Variants in ASMTL observed in about 807,000 individuals in gnomAD.
The protein encoded by ASMTL is probable bifunctional dTTP/UTP pyrophosphatase/methyltransferase protein.
Under a neutral mutation model 60.3 loss-of-function variants are expected in ASMTL, and 57 were observed. The ratio of observed to expected loss-of-function variants is 0.95; its 90% CI spans 0.76 to 1.18. ASMTL has a LOEUF of 1.18. Among genes scored for constraint, ASMTL ranks in the 50% most tolerant of loss-of-function variants. The probability of loss-of-function intolerance (pLI) is 0.00; values close to 1 mark genes in which losing one functional copy is unlikely to be tolerated. For synonymous variants in ASMTL, 419 were observed against 373.0 expected, an observed-to-expected ratio of 1.12 and a Z score of -1.42; for missense variants, 981 against 852.6, an observed-to-expected ratio of 1.15 and a Z score of -1.88.
At chrX:1,413,204 A>C in intron 11 of ASMTL, 1 of 238,186 alleles carries the variant, frequency 4.2e-6, no homozygotes, top group Non-Finnish European at 8.4e-6. Context: ...CTCTACTAAA[A>C]ATGCAAATTA....
chrX:1,405,098 T>C (rs1431401849), intron 12 of ASMTL, among the ~76,000 whole-genome samples: 2 of 150,614 alleles, frequency 1.3e-5, no homozygotes, highest in Admixed American at 6.6e-5. Context: ...ATGAGATGGA[T>C]GGATGAGTGA....
chrX:1,415,471 C>CTTTTTT lies in ASMTL; in HGVS notation c.1522+2496_1522+2501dup, dbSNP rs768836925. 6.1e-5 allele frequency among the ~76,000 whole-genome samples: 9 copies of CTTTTTT among 147,032 alleles called. 1 individual carries two copies. Among genetic ancestry groups the CTTTTTT allele is most frequent in the Non-Finnish European group, 6.0e-5 (4 of 67,128 alleles). ...TATTTATCATTATTATTATCATTGTCTTTTTTTTTTTGAGATGGAGTTTCG... is the reference window on the plus strand; with the variant it reads ...TATTTATCATTATTATTATCATTGTCTTTTTTTTTTTTTTTTTGAGATGGAGTTTCG... On this transcript the variant is annotated intron_variant, in intron 11 of 12. Transcript: ENST00000381317.
chrX:1,418,095 C>T lies in ASMTL; in HGVS notation c.1400G>A (p.Arg467Gln), dbSNP rs374328837. 4.8e-5 allele frequency: 77 copies of T among 1,609,816 alleles called. 2 individuals carry two copies. In the South Asian group the frequency reaches 6.3e-4, roughly 13 times the overall value. The change falls in exon 11 of 13, where the codon CGA becomes CAA. Residue 467 changes from arginine to glutamine, a missense_variant. Arg to Gln is a conservative substitution (Grantham distance 43). Coordinates refer to ENST00000381317, the MANE Select transcript of ASMTL (RefSeq NM_004192.4). ...DVGGCTGALA[R>Q]ELAREYPRMQ... is the part of the protein sequence containing the mutation. ...ACGAGGGTACTCACGGGCCAGCTCT[C>T]GGGCCAGTGCACCCGTGCAGCCTGC...
rs761917150 is a variant in ASMTL, at chrX:1,442,336, G to T, written c.94-19C>A. 3.7e-6 allele frequency: 6 copies of T among 1,613,418 alleles called. No individual in the cohort carries two copies. The African/African-American group carries it at 5.3e-5, about 14-fold the overall frequency. ...TGAGACCCTGCAACAGTAGAAAAGG[G>T]GTCAGAAGGGTCAATGAAAGACCCT... On this transcript the variant is annotated intron_variant, in intron 1 of 12. Transcript: ENST00000381317.
chrX:1,443,150 T>TTGGACACACACCACCATCG (rs2091147245), intron 1 of ASMTL, among the ~76,000 whole-genome samples: 4 of 71,662 alleles, frequency 5.6e-5, no homozygotes, highest in East Asian at 7.2e-4. Flanking sequence ...CGCCGCCATC[T>TTGGACACACACCACCATCG]TGGACACACA....
At position 1,429,752 on chromosome X, in the gene ASMTL, G is replaced by A. The variant is rs190087967; in HGVS notation, c.510-1631C>T. Among the ~76,000 whole-genome samples, 677 of 152,008 alleles carry A rather than the reference G, an allele frequency of 4.5e-3. 5 individuals are homozygous for A. The highest frequency in any genetic ancestry group is 0.016 in the African/African-American group (648 of 41,500). Reference sequence around the variant, plus strand: ...GTGGAGGTTGCAGTGAGCCAAGATCGCGCCACTGCACTCCAGCCTGGGTGA... The same window carrying A: ...GTGGAGGTTGCAGTGAGCCAAGATCACGCCACTGCACTCCAGCCTGGGTGA... On this transcript the variant is annotated intron_variant, in intron 6 of 12. Transcript: ENST00000381317.
At position 1,451,837 on chromosome X, in the gene ASMTL, C is replaced by T. The variant is rs774351982; in HGVS notation, c.93+911G>A. On this transcript the variant is annotated intron_variant, in intron 1 of 12. Coordinates refer to ENST00000381317, the MANE Select transcript of ASMTL (RefSeq NM_004192.4). Reference sequence around the variant, plus strand: ...TGCCTGGGGGTCCCGGGTTACTCTCCCCATCCCCATCCATGGGGCTCCGGG... The same window carrying T: ...TGCCTGGGGGTCCCGGGTTACTCTCTCCATCCCCATCCATGGGGCTCCGGG... 8.1e-5 allele frequency among the ~76,000 whole-genome samples: 12 copies of T among 147,794 alleles called. No individual in the cohort carries two copies. In the South Asian group the frequency reaches 1.7e-3, roughly 21 times the overall value.
intron 8 of ASMTL, among the ~76,000 whole-genome samples, chrX:1,422,654 G>A (rs761898487): frequency 2.6e-5 from 4 of 152,034 alleles, no homozygotes; most frequent in Admixed American, 1.3e-4. Context: ...AGATGGCCTC[G>A]CACCACTCCG....
At chrX:1,405,694 T>C (rs2089800590) in intron 12 of ASMTL, among the ~76,000 whole-genome samples, 1 of 150,698 alleles carries the variant, frequency 6.6e-6, no homozygotes, top group Non-Finnish European at 1.5e-5. Flanking sequence ...GATGGGCAGG[T>C]AGATAGATGA....
At chrX:1,404,824 A>G (rs2089747661) in intron 12 of ASMTL, among the ~76,000 whole-genome samples, 1 of 151,754 alleles carries the variant, frequency 6.6e-6, no homozygotes, top group South Asian at 2.1e-4. Flanking sequence ...ATGGGTGAAT[A>G]GATGGTAGCT....
chrX:1,449,100 C>T (rs1232630647), intron 1 of ASMTL, among the ~76,000 whole-genome samples: 6 of 152,096 alleles, frequency 3.9e-5, no homozygotes, highest in Admixed American at 6.5e-5. Context: ...GGAAACATTC[C>T]GAGCCTGCGA....
At chrX:1,425,719 A>G in intron 7 of ASMTL, 32 bp from the exon 8 acceptor site, 1 of 1,607,828 alleles carries the variant, frequency 6.2e-7, no homozygotes, top group South Asian at 1.1e-5. Context: ...AGACTCATTA[A>G]GTCCCTTGTC....
Position 1,403,228 on chromosome X carries a change from C to A in ASMTL, c.*41G>T. On this transcript the variant is annotated 3_prime_UTR_variant, in exon 13 of 13. Coordinates refer to ENST00000381317, the MANE Select transcript of ASMTL (RefSeq NM_004192.4). ...GGGGACCGGGCGGTCCACCTGCAGCCTGGGGGAGGACATCCCTATAATGAA... is the reference window on the plus strand; with the variant it reads ...GGGGACCGGGCGGTCCACCTGCAGCATGGGGGAGGACATCCCTATAATGAA... 6.3e-7 allele frequency: 1 copy of A among 1,578,892 alleles called. No individual in the cohort carries two copies. The highest frequency in any genetic ancestry group is 1.1e-5 in the South Asian group (1 of 90,124).
chrX:1,450,121 A>C (rs2091326471), intron 1 of ASMTL, among the ~76,000 whole-genome samples: 1 of 151,182 alleles, frequency 6.6e-6, no homozygotes, highest in South Asian at 2.1e-4. Context: ...CTATCACCCC[A>C]TTACCAGTAA....
intron 6 of ASMTL, 107 bp downstream of exon 6, chrX:1,432,162 G>A (rs1486796063): frequency 1.6e-5 from 14 of 897,544 alleles, no homozygotes; most frequent in African/African-American, 8.3e-5. Flanking sequence ...CACGGCCCCC[G>A]GAGCGGGGCC....
In ASMTL at chrX:1,403,409, T is replaced by C. The variant is rs758086365; in HGVS notation, c.1726A>G (p.Met576Val). 1.2e-6 allele frequency: 2 copies of C among 1,613,454 alleles called. No individual in the cohort carries two copies. Among genetic ancestry groups the C allele is most frequent in the South Asian group, 1.1e-5 (1 of 91,084 alleles). Residue 576 changes from methionine to valine, a missense_variant, in exon 13 of 13, where the codon ATG (methionine) becomes GTG (valine). Coordinates refer to ENST00000381317, the MANE Select transcript of ASMTL (RefSeq NM_004192.4). ...AQRALMQSLN[M>V]LVQTEGKERS... The stretch of plus-strand genomic sequence containing the variant: ...TCCTTGCCTTCAGTCTGCACCAGCA[T>C]GTTCAGTGACTGCATCAGGGCGCGC...
At chrX:1,407,535 T>G (rs2089910875) in intron 12 of ASMTL, among the ~76,000 whole-genome samples, 1 of 151,574 alleles carries the variant, frequency 6.6e-6, no homozygotes, top group Admixed American at 6.6e-5. Context: ...GATGGGTAGG[T>G]AGATGATGGA....
chrX:1,430,125 C>A (rs765712088), intron 6 of ASMTL, among the ~76,000 whole-genome samples: 1 of 152,112 alleles, frequency 6.6e-6, no homozygotes, highest in Non-Finnish European at 1.5e-5. Context: ...AGCGATTCTC[C>A]TGTCTCAGCC....
chrX:1,438,801 A>C (rs2091037349), intron 3 of ASMTL, among the ~76,000 whole-genome samples: 1 of 151,980 alleles, frequency 6.6e-6, no homozygotes, highest in Admixed American at 6.6e-5. Context: ...TAATTTTTGT[A>C]TTTTTAGTAG....
Sources: gnomAD v4.1 joint callset for allele counts (sites outside exome capture counted in the v4.1 genomes callset) on GRCh38, gnomAD v4.1.1 for gene constraint, MANE v1.5 for transcripts, NCBI Gene and HGNC (gene_info 2026-07-23, HGNC 2026-07-21) for gene names.